The following FOXR1 variants were observed in gnomAD, a reference collection of about 807,000 sequenced individuals.
FOXR1 encodes forkhead box protein R1.
In FOXR1, 25 loss-of-function variants were observed where a neutral mutation model predicts 34.5. The observed-to-expected ratio is 0.72, with a 90% CI of 0.53 to 1.01. The LOEUF is 1.01. Among genes scored for constraint, FOXR1 ranks in the 50% least tolerant of loss-of-function variants. The pLI is 0.00. For missense variants in FOXR1, 373 were observed against 376.2 expected (o/e 0.99, Z 0.07); for synonymous variants, 153 against 141.6 (o/e 1.08, Z -0.57).
chr11:118,973,707 T>C (rs552617928), intron 1 of FOXR1, among the ~76,000 whole-genome samples: 69 of 151,080 alleles, frequency 4.6e-4, no homozygotes, highest in African/African-American at 1.5e-3. Context: ...CTTTTTTTTT[T>C]TTTTGTCATG....
At chr11:118,972,087 G>A in intron 1 of FOXR1, 95 bp downstream of exon 1, 9 of 1,166,642 alleles carry the variant, frequency 7.7e-6, no homozygotes, top group Non-Finnish European at 1.1e-5. Context: ...CCCAGCCTTC[G>A]CCCCCACCTC....
chr11:118,976,441 A>G (rs1190712300), intron 1 of FOXR1, among the ~76,000 whole-genome samples: 1 of 152,204 alleles, frequency 6.6e-6, no homozygotes, highest in Non-Finnish European at 1.5e-5. Flanking sequence ...GGCCCAAGCA[A>G]TCCGCCTGCC....
intron 1 of FOXR1, among the ~76,000 whole-genome samples, chr11:118,976,252 A>G (rs1474954952): frequency 3.9e-5 from 6 of 152,148 alleles, no homozygotes; most frequent in African/African-American, 1.4e-4. Context: ...CTGGAGTGCA[A>G]TAGCGTAAGC....
chr11:118,975,409 TTTTC>T (rs760184999), intron 1 of FOXR1, among the ~76,000 whole-genome samples: 80 of 151,918 alleles, frequency 5.3e-4, no homozygotes, highest in Non-Finnish European at 1.0e-3. Flanking sequence ...ATCTTTTTCT[TTTTC>T]TTTCTTCTTT....
intron 1 of FOXR1, among the ~76,000 whole-genome samples, chr11:118,972,543 T>C (rs1941724046): frequency 1.3e-5 from 2 of 152,196 alleles, no homozygotes; most frequent in East Asian, 1.9e-4. Flanking sequence ...GGACGTCAAG[T>C]GTGGAGAGTT....
intron 1 of FOXR1, 140 bp downstream of exon 1, chr11:118,972,132 C>G (rs1205440792): frequency 1.8e-6 from 1 of 561,044 alleles, no homozygotes; most frequent in South Asian, 2.1e-5. Flanking sequence ...GCCCCGCGCC[C>G]CCCCCCCCCG....
At position 118,979,507 on chromosome 11, in the gene FOXR1, C is replaced by T; in HGVS notation, c.450C>T (p.His150=). The T allele has an allele frequency of 1.2e-6, 2 of 1,613,374 alleles. No individual in the cohort carries two copies. Among genetic ancestry groups the T allele is most frequent in the African/African-American group, 2.7e-5 (2 of 75,030 alleles). The change falls in exon 4 of 6, where the codon CAC becomes CAT. Residue 150 remains histidine (H), a synonymous_variant. Transcript: ENST00000317011. Reference sequence around the variant, plus strand: ...CCTCTATGGCTCTCCCATCCCCTCACAAAAGGGCCCCCCTCCAGAGTCGGA... The same window carrying T: ...CCTCTATGGCTCTCCCATCCCCTCATAAAAGGGCCCCCCTCCAGAGTCGGA... ...DSSSMALPSP[H]KRAPLQSRRL...
chr11:118,975,399 ATCTTTT>A (rs1462151109), intron 1 of FOXR1, among the ~76,000 whole-genome samples: 1 of 151,614 alleles, frequency 6.6e-6, no homozygotes, highest in Non-Finnish European at 1.5e-5. Flanking sequence ...AGATGGGATA[ATCTTTT>A]TCTTTTTCTT....
At position 118,978,940 on chromosome 11, in the gene FOXR1, T is replaced by A. The variant is rs782355487; in HGVS notation, c.137-17T>A. On this transcript the variant is annotated splice_polypyrimidine_tract_variant and intron_variant, in intron 2 of 5. Coordinates refer to ENST00000317011, the MANE Select transcript of FOXR1 (RefSeq NM_181721.3). ...AAAGCCAGTGGGCTGTGGCACACAA[T>A]CTTTTGTTCTGCACAGGTCCAGATT... 4 of 1,613,130 alleles carry A rather than the reference T, an allele frequency of 2.5e-6. No homozygotes were observed. Among genetic ancestry groups the A allele is most frequent in the Non-Finnish European group, 3.4e-6 (4 of 1,179,518 alleles).
intron 1 of FOXR1, among the ~76,000 whole-genome samples, chr11:118,974,018 G>C (rs1426974601): frequency 3.3e-5 from 5 of 152,114 alleles, no homozygotes; most frequent in African/African-American, 9.7e-5. Flanking sequence ...TTTTAAATAA[G>C]ATTGTGGGGT....
rs782479317 is a variant in FOXR1 at position 118,979,175 on chromosome 11, C to T, written c.355C>T (p.Arg119Trp). 9.1e-6 allele frequency: 14 copies of T among 1,536,666 alleles called. No homozygotes were observed. Among genetic ancestry groups the T allele is most frequent in the African/African-American group, 5.5e-5 (4 of 72,242 alleles). Residue 119 changes from arginine to tryptophan, a missense_variant, in exon 3 of 6, where the codon CGG becomes TGG. Coordinates refer to ENST00000317011, the MANE Select transcript of FOXR1 (RefSeq NM_181721.3). The part of the protein sequence containing the change: ...SSSKRSPPRK[R>W]FAFSPSTWEL... ...CAGCAAGCGGTCTCCCCCTCGGAAG[C>T]GGTTTGCCTTTTCCCCCAGCACCTG... is the stretch of plus-strand genomic sequence containing the variant.
intron 1 of FOXR1, among the ~76,000 whole-genome samples, chr11:118,973,952 C>T (rs1941747728): frequency 6.6e-6 from 1 of 152,096 alleles, no homozygotes; most frequent in African/African-American, 2.4e-5. Context: ...CTTCCCTCAG[C>T]CTCCTAAAGT....
Position 118,971,936 on chromosome 11 carries a change from G to T in FOXR1, c.5G>T (p.Gly2Val). 6.4e-7 allele frequency: 1 copy of T among 1,556,160 alleles called. No homozygotes were observed. The highest frequency in any genetic ancestry group is 2.4e-5 in the East Asian group (1 of 41,582). The change falls in exon 1 of 6, where the codon GGG becomes GTG. Residue 2 changes from glycine to valine, a missense_variant. Gly to Val is a moderately radical substitution (Grantham distance 109). Coordinates refer to ENST00000317011, the MANE Select transcript of FOXR1 (RefSeq NM_181721.3). M[G>V]NELFLAFTTS... ...CCGGGACTGCTGGACTGGGACATGG[G>T]GAACGAGCTCTTTCTGGCCTTCACC...
intron 1 of FOXR1, among the ~76,000 whole-genome samples, chr11:118,974,371 C>G (rs1941753189): frequency 6.6e-6 from 1 of 152,072 alleles, no homozygotes; most frequent in Non-Finnish European, 1.5e-5. Flanking sequence ...CACTGGCTAA[C>G]TTTTTTACTA....
chr11:118,981,184 C>CTGAA (rs1565648147), intron 5 of FOXR1, 24 bp from the exon 6 acceptor site: 1 of 1,613,844 alleles, frequency 6.2e-7, no homozygotes, highest in Middle Eastern at 1.6e-4. Flanking sequence ...GTATAAACTC[C>CTGAA]TGAACTCTCT....
intron 1 of FOXR1, among the ~76,000 whole-genome samples, chr11:118,976,630 G>A (rs1482176995): frequency 6.6e-6 from 1 of 152,192 alleles, no homozygotes; most frequent in African/African-American, 2.4e-5. Flanking sequence ...TATACATCCA[G>A]GAGCAGACAG....
intron 1 of FOXR1, among the ~76,000 whole-genome samples, chr11:118,976,681 C>T (rs1941783808): frequency 6.6e-6 from 1 of 152,214 alleles, no homozygotes; most frequent in Non-Finnish European, 1.5e-5. Flanking sequence ...TTGCTCTTAA[C>T]AAGGGCTGCT....
chr11:118,972,693 G>A (rs1941728875), intron 1 of FOXR1, among the ~76,000 whole-genome samples: 1 of 151,816 alleles, frequency 6.6e-6, no homozygotes, highest in African/African-American at 2.4e-5. Context: ...CGCGATCTCG[G>A]CTCACTGCAA....
At chr11:118,978,128 G>A (rs1158970477) in intron 1 of FOXR1, among the ~76,000 whole-genome samples, 1 of 151,856 alleles carries the variant, frequency 6.6e-6, no homozygotes, top group Non-Finnish European at 1.5e-5. Context: ...TGAGGCAGGA[G>A]AATCACTTGA....
Sources: gnomAD v4.1 joint callset for allele counts (sites outside exome capture counted in the v4.1 genomes callset) on GRCh38, gnomAD v4.1.1 for gene constraint, MANE v1.5 for transcripts, NCBI Gene and HGNC (gene_info 2026-07-23, HGNC 2026-07-21) for gene names.